Variants in BLTP3A observed in about 807,000 individuals in gnomAD.
BLTP3A encodes the protein ICBP90 binding protein 1.
chr6:34,808,346 C>CAAAAAAAAAAAA, the BLTP3A span, among the ~76,000 whole-genome samples: 29 of 26,686 alleles, frequency 1.1e-3, 3 homozygotes, highest in Admixed American at 2.1e-3. Context: ...AACTCCGTCT[C>CAAAAAAAAAAAA]AAAAAAAAAA....
the BLTP3A span, chr6:34,856,350 A>C: frequency 6.2e-7 from 1 of 1,614,210 alleles, no homozygotes; most frequent in South Asian, 1.1e-5. Context: ...TGGCATGAAG[A>C]GACGGGTCTG....
the BLTP3A span, chr6:34,867,252 G>A: frequency 6.2e-7 from 1 of 1,613,738 alleles, no homozygotes; most frequent in Non-Finnish European, 8.5e-7. Context: ...GTTCCACCAG[G>A]ATCTCTTTCA....
the BLTP3A span, chr6:34,856,195 A>C: frequency 3.1e-6 from 5 of 1,589,148 alleles, no homozygotes; most frequent in South Asian, 4.6e-5. Context: ...TGGAACATTC[A>C]TCATGATCTT....
chr6:34,864,973 A>G, the BLTP3A span, among the ~76,000 whole-genome samples: 3 of 152,126 alleles, frequency 2.0e-5, no homozygotes, highest in Non-Finnish European at 4.4e-5. Context: ...CTCAAAAAAA[A>G]GAGAGAATGT....
chr6:34,821,555 A>G, the BLTP3A span: 1 of 1,199,124 alleles, frequency 8.3e-7, no homozygotes, highest in Admixed American at 2.8e-5. Flanking sequence ...AATGTTCTTT[A>G]ATTTTTTCTT....
the BLTP3A span, among the ~76,000 whole-genome samples, chr6:34,815,956 A>G: frequency 6.6e-6 from 1 of 152,208 alleles, no homozygotes; most frequent in Non-Finnish European, 1.5e-5. Context: ...TGCATTTTAA[A>G]ATAAGCATTC....
chr6:34,828,549 C>T, the BLTP3A span, among the ~76,000 whole-genome samples: 114 of 151,392 alleles, frequency 7.5e-4, 1 homozygote, highest in African/African-American at 2.7e-3. Flanking sequence ...CTTTTTGTAC[C>T]TGTAGAATAT....
the BLTP3A span, chr6:34,864,319 T>C: frequency 1.9e-6 from 2 of 1,054,790 alleles, no homozygotes; most frequent in East Asian, 4.9e-5. Flanking sequence ...ATTTTCTTAA[T>C]CAAGACAAAA....
At chr6:34,858,384 G>A in the BLTP3A span, 9 of 1,613,974 alleles carry the variant, frequency 5.6e-6, no homozygotes, top group Non-Finnish European at 6.8e-6. Context: ...ATTCCTGCCT[G>A]CCTCAGCCTA....
At chr6:34,835,604 C>T in the BLTP3A span, 7 of 931,806 alleles carry the variant, frequency 7.5e-6, no homozygotes, top group African/African-American at 8.4e-5. Flanking sequence ...TTGCCTGCAC[C>T]TCTGATTTTT....
chr6:34,868,974 A>G, the BLTP3A span, among the ~76,000 whole-genome samples: 1 of 151,786 alleles, frequency 6.6e-6, no homozygotes, highest in Non-Finnish European at 1.5e-5. Context: ...AATACAATGA[A>G]CCCATTTACT....
the BLTP3A span, among the ~76,000 whole-genome samples, chr6:34,818,899 T>C: frequency 6.6e-6 from 1 of 152,332 alleles, no homozygotes; most frequent in African/African-American, 2.4e-5. Flanking sequence ...GTCATGATTT[T>C]ATGGTCCAAG....
At chr6:34,844,475 G>A in the BLTP3A span, among the ~76,000 whole-genome samples, 5 of 152,068 alleles carry the variant, frequency 3.3e-5, no homozygotes, top group East Asian at 1.9e-4. Context: ...GGATTTCACC[G>A]TGATGGCTAG....
chr6:34,848,578 C>G, the BLTP3A span, among the ~76,000 whole-genome samples: 1 of 150,964 alleles, frequency 6.6e-6, no homozygotes, highest in African/African-American at 2.4e-5. Context: ...TGCACTCCAG[C>G]CTGGGCGACA....
At chr6:34,816,695 C>A in the BLTP3A span, among the ~76,000 whole-genome samples, 1 of 152,178 alleles carries the variant, frequency 6.6e-6, no homozygotes, top group Admixed American at 6.5e-5. Context: ...CTCCTTACTC[C>A]TGCCTATCAG....
the BLTP3A span, chr6:34,864,083 G>A: frequency 1.1e-5 from 17 of 1,613,998 alleles, no homozygotes; most frequent in Non-Finnish European, 1.4e-5. Flanking sequence ...TCTCCATGAA[G>A]AGGACGGTAT....
the BLTP3A span, among the ~76,000 whole-genome samples, chr6:34,866,639 A>C: frequency 2.6e-5 from 4 of 152,204 alleles, no homozygotes; most frequent in African/African-American, 4.8e-5. Context: ...AGTGACATTA[A>C]GTACATTCTG....
At chr6:34,822,052 A>G in the BLTP3A span, 2 of 1,452,264 alleles carry the variant, frequency 1.4e-6, no homozygotes, top group African/African-American at 2.8e-5. Flanking sequence ...CCTTTTAGGA[A>G]TGGTGGGTGT....
the BLTP3A span, chr6:34,867,129 A>AT: frequency 7.6e-7 from 1 of 1,312,078 alleles, no homozygotes; most frequent in Non-Finnish European, 1.0e-6. Flanking sequence ...TGTCATAAGT[A>AT]TTTTGTTTTA....
Sources: gnomAD v4.1 joint callset for allele counts (sites outside exome capture counted in the v4.1 genomes callset) on GRCh38, gnomAD v4.1.1 for gene constraint, MANE v1.5 for transcripts, NCBI Gene and HGNC (gene_info 2026-07-23, HGNC 2026-07-21) for gene names.